Variants in SLC2A6 observed in about 807,000 individuals in gnomAD.
SLC2A6 encodes solute carrier family 2, facilitated glucose transporter member 6.
A neutral mutation model predicts 47.8 loss-of-function variants in SLC2A6; 39 were observed. The ratio of observed to expected loss-of-function variants is 0.82; its 90% CI spans 0.63 to 1.07. The LOEUF (loss-of-function observed/expected upper bound fraction) is 1.07. SLC2A6 is among the 50% of genes least tolerant of loss of function. SLC2A6 has a pLI of 0.00. For missense variants in SLC2A6, 650 were observed against 707.6 expected (o/e 0.92, Z 0.92); for synonymous variants, 346 against 324.1 (o/e 1.07, Z -0.73).
rs782662467 is a variant in SLC2A6, at chr9:133,478,368, G to C, written c.141C>G (p.Leu47=). The C allele has an allele frequency of 3.1e-6, 5 of 1,614,136 alleles. No homozygotes were observed. Among genetic ancestry groups the C allele is most frequent in the Admixed American group, 3.3e-5 (2 of 60,020 alleles). ...GGGCATACCCAAAGCTGAAATTGCCGAGCACTGCGGCGAAGGTGGCCAGGA... is the reference window on the plus strand; with the variant it reads ...GGGCATACCCAAAGCTGAAATTGCCCAGCACTGCGGCGAAGGTGGCCAGGA... ...RVFLATFAAV[L]GNFSFGYALV... The change falls in exon 2 of 10, where the codon CTC becomes CTG. Residue 47 remains leucine, a synonymous_variant. Coordinates refer to ENST00000371899, the MANE Select transcript of SLC2A6 (RefSeq NM_017585.4).
rs751734242 is a variant in SLC2A6 at position 133,474,893 on chromosome 9, T to C, written c.927+68A>G. 1.6e-3 allele frequency: 2,281 copies of C among 1,416,242 alleles called. 2 individuals are homozygous for C. The highest frequency in any genetic ancestry group is 2.0e-3 in the Non-Finnish European group (2,111 of 1,077,294). 87.7% of individuals were successfully genotyped at this position (1,416,242 alleles called of 1,614,324 possible). ...GTTGGGTAAGTGCAGGAGCAGGCCC[T>C]GCCTCCCCTGCCCTGCCAGCCTCCA... is the stretch of plus-strand genomic sequence containing the variant. On this transcript the variant is annotated intron_variant, in intron 6 of 9. Coordinates refer to ENST00000371899, the MANE Select transcript of SLC2A6 (RefSeq NM_017585.4).
Position 133,478,371 on chromosome 9 carries a change from C to T in SLC2A6, c.138G>A (p.Val46=). Residue 46 remains valine, a synonymous_variant, in exon 2 of 10, where the codon GTG becomes GTA. Coordinates refer to ENST00000371899, the MANE Select transcript of SLC2A6 (RefSeq NM_017585.4). ...KRVFLATFAA[V]LGNFSFGYAL... Reference sequence around the variant, plus strand: ...CATACCCAAAGCTGAAATTGCCGAGCACTGCGGCGAAGGTGGCCAGGAACA... The same window carrying T: ...CATACCCAAAGCTGAAATTGCCGAGTACTGCGGCGAAGGTGGCCAGGAACA... 1 of 1,614,168 alleles carries T rather than the reference C, an allele frequency of 6.2e-7. No homozygotes were observed. Among genetic ancestry groups the T allele is most frequent in the Non-Finnish European group, 8.5e-7 (1 of 1,180,026 alleles).
In SLC2A6 at chr9:133,471,799, G is replaced by A. The variant is rs587609898; in HGVS notation, c.*222C>T. On this transcript the variant is annotated 3_prime_UTR_variant, in exon 10 of 10. Coordinates refer to ENST00000371899, the MANE Select transcript of SLC2A6 (RefSeq NM_017585.4). ...ATGCACTCCTGCGGCCCATGGCTAC[G>A]TGCAGCACTGTGGGCTGCCTGGGCT... 1.8e-4 allele frequency: 105 copies of A among 571,720 alleles called. No homozygotes were observed. Among genetic ancestry groups the A allele is most frequent in the Non-Finnish European group, 2.9e-4 (94 of 321,214 alleles). The allele number at this position is 571,720 out of a possible 1,614,324, so 35.4% of individuals were successfully genotyped here.
At chr9:133,473,834 T>TGGGCCA (rs1843831380) in intron 7 of SLC2A6, 146 bp downstream of exon 7, 1 of 789,282 alleles carries the variant, frequency 1.3e-6, no homozygotes, top group Non-Finnish European at 2.0e-6. Context: ...ACCACTGGCC[T>TGGGCCA]GGGCCAGGGC....
chr9:133,476,256 G>T lies in SLC2A6; in HGVS notation c.543C>A (p.Ser181=), dbSNP rs782077616. ...ATPQLMAVFG[S]LSLYALGLLL... Reference sequence around the variant, plus strand: ...ACTTGCCAAGGGCGTAGAGGGACAGGGATCCGAACACTGCCATGAGCTGGG... The same window carrying T: ...ACTTGCCAAGGGCGTAGAGGGACAGTGATCCGAACACTGCCATGAGCTGGG... The change falls in exon 4 of 10, where the codon TCC becomes TCA. Residue 181 remains serine, a synonymous_variant. Coordinates refer to ENST00000371899, the MANE Select transcript of SLC2A6 (RefSeq NM_017585.4). 5.0e-6 allele frequency: 8 copies of T among 1,612,842 alleles called. No homozygotes were observed. The South Asian group carries it at 6.6e-5, about 13-fold the overall frequency.
Position 133,473,188 on chromosome 9 carries a change from C to T in SLC2A6, c.1285G>A (p.Ala429Thr), listed in dbSNP as rs895297535. The stretch of plus-strand genomic sequence containing the variant: ...CAGAGCCCTGAGGCCACGCCACGGG[C>T]ACGCAGGGGCAGGACCTCAGACATG... ...LLMSEVLPLR[A>T]RGVASGLCVL... is the part of the protein sequence containing the mutation. Residue 429 changes from alanine (A) to threonine (T), a missense_variant, in exon 9 of 10, where the codon GCC becomes ACC. By Grantham distance (58) the Ala-to-Thr change is moderately conservative. Transcript: ENST00000371899. 1.1e-5 allele frequency: 17 copies of T among 1,607,186 alleles called. No individual in the cohort carries two copies. Among genetic ancestry groups the T allele is most frequent in the Non-Finnish European group, 1.4e-5 (17 of 1,177,600 alleles).
chr9:133,476,054 G>A (rs927534338), intron 4 of SLC2A6, 183 bp downstream of exon 4: 9 of 564,660 alleles, frequency 1.6e-5, no homozygotes, highest in African/African-American at 3.8e-5. Flanking sequence ...TGTGGCTAGA[G>A]GGGCAGGCCC....
chr9:133,475,605 A>C lies in SLC2A6; in HGVS notation c.569T>G (p.Leu190Arg), dbSNP rs1554803158. 3 of 1,593,020 alleles carry C rather than the reference A, an allele frequency of 1.9e-6. No individual in the cohort carries two copies. The highest frequency in any genetic ancestry group is 4.5e-5 in the East Asian group (2 of 44,340). The change falls in exon 5 of 10, where the codon CTG (leucine) becomes CGG (arginine). Residue 190 changes from leucine (L) to arginine (R), a missense_variant. By Grantham distance (102) the Leu-to-Arg change is moderately radical. Transcript: ENST00000371899. ...GSLSLYALGL[L>R]LPWRWLAVAG... Reference sequence around the variant, plus strand: ...CACAGCCAGCCAGCGCCACGGCAGCAGGAGGCCTGGGGGCGAGGGGTGGGT... The same window carrying C: ...CACAGCCAGCCAGCGCCACGGCAGCCGGAGGCCTGGGGGCGAGGGGTGGGT...
At position 133,471,984 on chromosome 9, in the gene SLC2A6, A is replaced by G; in HGVS notation, c.*37T>C. On this transcript the variant is annotated 3_prime_UTR_variant, in exon 10 of 10. Coordinates refer to ENST00000371899, the MANE Select transcript of SLC2A6 (RefSeq NM_017585.4). ...TTGTAGCCAACACAGAGGCCCAGCC[A>G]CTGGGGGTTTGGCCCCCTCCAGGCG... 3 of 1,599,410 alleles carry G rather than the reference A, an allele frequency of 1.9e-6. No individual in the cohort carries two copies. Among genetic ancestry groups the G allele is most frequent in the Non-Finnish European group, 2.6e-6 (3 of 1,170,102 alleles).
At position 133,476,311 on chromosome 9, in the gene SLC2A6, G is replaced by T. The variant is rs782038356; in HGVS notation, c.488C>A (p.Pro163Gln). 2.5e-6 allele frequency: 4 copies of T among 1,612,970 alleles called. No individual in the cohort carries two copies. Among genetic ancestry groups the T allele is most frequent in the South Asian group, 1.1e-5 (1 of 91,076 alleles). The change falls in exon 4 of 10, where the codon CCA (proline) becomes CAA (glutamine). Residue 163 changes from proline to glutamine, a missense_variant. Pro to Gln is a moderately conservative substitution (Grantham distance 76, BLOSUM62 -1). Coordinates refer to ENST00000371899, the MANE Select transcript of SLC2A6 (RefSeq NM_017585.4). ...IPVYVSEIAPPGVRGALGATP... is the reference protein window; with the variant it reads ...IPVYVSEIAPQGVRGALGATP... Reference sequence around the variant, plus strand: ...GGCCCCCAGAGCCCCACGAACGCCTGGGGGAGCAATCTCAGACACGTACAC... The same window carrying T: ...GGCCCCCAGAGCCCCACGAACGCCTTGGGGAGCAATCTCAGACACGTACAC...
chr9:133,471,909 TCTGG>T lies in SLC2A6; in HGVS notation c.*108_*111del. The T allele has an allele frequency of 1.5e-6, 2 of 1,306,482 alleles. No homozygotes were observed. Among genetic ancestry groups the T allele is most frequent in the South Asian group, 2.8e-5 (2 of 71,354 alleles). 80.9% of individuals were successfully genotyped at this position (1,306,482 alleles called of 1,614,324 possible). On this transcript the variant is annotated 3_prime_UTR_variant, in exon 10 of 10. Transcript: ENST00000371899. ...CCCCATCACACTGCTCTTCCTGTGC[TCTGG>T]CTGGTGGCAGGGATGACTGCTGCCT...
At chr9:133,473,817 T>C in intron 7 of SLC2A6, 163 bp downstream of exon 7, 1 of 765,582 alleles carries the variant, frequency 1.3e-6, no homozygotes, top group Non-Finnish European at 2.0e-6. Context: ...CCAGCGGACC[T>C]TTCTGGACCA....
In SLC2A6 at chr9:133,473,544, T is replaced by C; in HGVS notation, c.1093A>G (p.Arg365Gly). ...GCAGTGCTGTTGGGGCTCAGAGGCC[T>C]GGGGCCAAAGTGGATGTACAGCCCC... ...TLGLYIHFGPRPLSPNSTAGL... is the reference protein window; with the variant it reads ...TLGLYIHFGPGPLSPNSTAGL... The change falls in exon 8 of 10, where the codon AGG (arginine) becomes GGG (glycine). Residue 365 changes from arginine (R) to glycine (G), a missense_variant. Coordinates refer to ENST00000371899, the MANE Select transcript of SLC2A6 (RefSeq NM_017585.4). 1 of 1,582,380 alleles carries C rather than the reference T, an allele frequency of 6.3e-7. No homozygotes were observed. Among genetic ancestry groups the C allele is most frequent in the Non-Finnish European group, 8.6e-7 (1 of 1,165,820 alleles).
At chr9:133,473,708 C>A in intron 7 of SLC2A6, 108 bp from the exon 8 acceptor site, 1 of 1,194,898 alleles carries the variant, frequency 8.4e-7, no homozygotes, top group East Asian at 2.7e-5. Context: ...CAGCTCGTGT[C>A]TGGGACTAGA....
In SLC2A6 at chr9:133,473,434, G is replaced by C; in HGVS notation, c.1203C>G (p.Ala401=). 1 of 1,603,562 alleles carries C rather than the reference G, an allele frequency of 6.2e-7. No individual in the cohort carries two copies. The highest frequency in any genetic ancestry group is 8.5e-7 in the Non-Finnish European group (1 of 1,176,104). Residue 401 remains alanine (A), a synonymous_variant, in exon 8 of 10, where the codon GCC becomes GCG. Coordinates refer to ENST00000371899, the MANE Select transcript of SLC2A6 (RefSeq NM_017585.4). ...AGYLTLVPLL[A]TMLFIMGYAV... is the part of the protein sequence containing the mutation. The stretch of plus-strand genomic sequence containing the variant: ...ACCTACCCATGATGAAGAGCATGGT[G>C]GCCAGCAGGGGCACCAGGGTGAGGT...
At position 133,477,034 on chromosome 9, in the gene SLC2A6, C is replaced by T. The variant is rs781867516; in HGVS notation, c.462+1G>A. ...GCCTGGGTGGGAAGGCCTGGCCTTA[C>T]CGGGATGCAGGCAGCTGTGAGCCCC... On this transcript the variant is annotated splice_donor_variant, in intron 3 of 9. Transcript: ENST00000371899. LOFTEE classifies it high-confidence loss of function. The T allele has an allele frequency of 6.5e-7, 1 of 1,547,534 alleles. No individual in the cohort carries two copies. Among genetic ancestry groups the T allele is most frequent in the Non-Finnish European group, 8.7e-7 (1 of 1,146,508 alleles).
intron 6 of SLC2A6, among the ~76,000 whole-genome samples, chr9:133,474,554 A>G (rs1843867250): frequency 6.6e-6 from 1 of 152,128 alleles, no homozygotes; most frequent in South Asian, 2.1e-4. Context: ...TTTCCTTTGT[A>G]ATCCCATGTA....
intron 6 of SLC2A6, among the ~76,000 whole-genome samples, chr9:133,474,650 G>A (rs1368014753): frequency 6.6e-6 from 1 of 152,208 alleles, no homozygotes; most frequent in Non-Finnish European, 1.5e-5. Flanking sequence ...GTGAGATCGT[G>A]GCCACTGCAG....
In SLC2A6 at chr9:133,476,215, A is replaced by G. The variant is rs782545784; in HGVS notation, c.562+22T>C. ...CCACCCCTCCCACCAGCCTGCACACAGGAGTGCGGGGCCATACTTGCCAAG... is the reference window on the plus strand; with the variant it reads ...CCACCCCTCCCACCAGCCTGCACACGGGAGTGCGGGGCCATACTTGCCAAG... On this transcript the variant is annotated intron_variant, in intron 4 of 9. Transcript: ENST00000371899. 27 of 1,584,418 alleles carry G rather than the reference A, an allele frequency of 1.7e-5. No homozygotes were observed. The South Asian group carries it at 2.9e-4, about 17-fold the overall frequency.
Sources: gnomAD v4.1 joint callset for allele counts (sites outside exome capture counted in the v4.1 genomes callset) on GRCh38, gnomAD v4.1.1 for gene constraint, MANE v1.5 for transcripts, NCBI Gene and HGNC (gene_info 2026-07-23, HGNC 2026-07-21) for gene names.